GRIA1: variants seen among roughly 807,000 people sequenced by gnomAD.
GRIA1 encodes the protein glutamate ionotropic receptor AMPA type subunit 1, also known as glutamate receptor 1.
A neutral mutation model predicts 99.2 loss-of-function variants in GRIA1; 31 were observed. The ratio of observed to expected loss-of-function variants is 0.31; its 90% CI spans 0.23 to 0.42. GRIA1 has a LOEUF of 0.42. GRIA1 is among the 10% of genes least tolerant of loss of function. The pLI is 1.00. For synonymous variants in GRIA1, 438 were observed against 432.4 expected (o/e 1.01, Z -0.16); for missense variants, 782 against 1,157.5 (o/e 0.68, Z 4.71).
intron 10 of GRIA1, among the ~76,000 whole-genome samples, chr5:153,705,204 T>A (rs1758802829): frequency 1.3e-5 from 2 of 152,320 alleles, no homozygotes; most frequent in South Asian, 4.1e-4. Context: ...TCAGGACTAA[T>A]TCTCACTAAA....
At chr5:153,775,726 C>A (rs183633800) in intron 13 of GRIA1, among the ~76,000 whole-genome samples, 2 of 144,144 alleles carry the variant, frequency 1.4e-5, no homozygotes. Context: ...ATTATCCTAC[C>A]AATGCCATAA....
chr5:153,641,086 A>C (rs1314641529), intron 2 of GRIA1, among the ~76,000 whole-genome samples: 2 of 152,108 alleles, frequency 1.3e-5, no homozygotes, highest in African/African-American at 4.8e-5. Context: ...GAAGAATGTG[A>C]TTCCCACCAA....
At chr5:153,691,099 C>CA (rs767469529) in intron 8 of GRIA1, among the ~76,000 whole-genome samples, 2 of 152,200 alleles carry the variant, frequency 1.3e-5, no homozygotes, top group Non-Finnish European at 2.9e-5. Flanking sequence ...TACAATTTGA[C>CA]ATCCCACTGA....
chr5:153,539,933 C>T (rs1159423750), intron 2 of GRIA1, among the ~76,000 whole-genome samples: 5 of 152,206 alleles, frequency 3.3e-5, no homozygotes, highest in Non-Finnish European at 1.5e-5. Context: ...CTCATTTCTC[C>T]ATTTGAGCAG....
chr5:153,720,503 G>A (rs924979355), intron 11 of GRIA1, among the ~76,000 whole-genome samples: 1 of 152,210 alleles, frequency 6.6e-6, no homozygotes, highest in African/African-American at 2.4e-5. Flanking sequence ...CACGCCCAGA[G>A]TCTCCATGTT....
chr5:153,683,540 G>A (rs915528637), intron 7 of GRIA1, among the ~76,000 whole-genome samples: 8 of 152,182 alleles, frequency 5.3e-5, no homozygotes, highest in Admixed American at 1.3e-4. Context: ...TGAGATCACC[G>A]TGACAGTGCA....
At chr5:153,661,315 G>T (rs959917988) in intron 5 of GRIA1, among the ~76,000 whole-genome samples, 1 of 152,114 alleles carries the variant, frequency 6.6e-6, no homozygotes, top group African/African-American at 2.4e-5. Context: ...ATACTTATTA[G>T]CTATGTAACA....
rs1758313217 is a variant in GRIA1, at chr5:153,698,941, A to G, written c.1320A>G (p.Val440=). The change falls in exon 10 of 16, where the codon GTA becomes GTG. Residue 440 remains valine, a synonymous_variant. Transcript: ENST00000285900. ...ATGACCGTTACGAGGGCTACTGTGT[A>G]GAGCTGGCGGCAGAGATTGCCAAGC... ...EGNDRYEGYC[V]ELAAEIAKHV... is the part of the protein sequence containing the mutation. 6.2e-7 allele frequency: 1 copy of G among 1,613,724 alleles called. No individual in the cohort carries two copies. Among genetic ancestry groups the G allele is most frequent in the East Asian group, 2.2e-5 (1 of 44,864 alleles).
At chr5:153,656,076 C>T (rs895378623) in intron 5 of GRIA1, among the ~76,000 whole-genome samples, 6 of 152,102 alleles carry the variant, frequency 3.9e-5, no homozygotes, top group African/African-American at 1.4e-4. Flanking sequence ...AACCTCTAAC[C>T]TTCCTTGGAA....
At chr5:153,800,106 A>G (rs1055345388) in intron 14 of GRIA1, among the ~76,000 whole-genome samples, 4 of 152,200 alleles carry the variant, frequency 2.6e-5, no homozygotes, top group East Asian at 1.9e-4. Flanking sequence ...TGCTTTGGCT[A>G]TTGAAAGACT....
intron 2 of GRIA1, among the ~76,000 whole-genome samples, chr5:153,581,756 T>C (rs912164524): frequency 0.1 from 19 of 184 alleles, no homozygotes; most frequent in African/African-American, 0.15. Flanking sequence ...TCTTTTCTCT[T>C]TTTTTTTTTT....
At chr5:153,806,037 T>G (rs963571810) in intron 15 of GRIA1, among the ~76,000 whole-genome samples, 1 of 152,218 alleles carries the variant, frequency 6.6e-6, no homozygotes, top group African/African-American at 2.4e-5. Context: ...CCGAAAGAGA[T>G]AAGACAAATG....
intron 11 of GRIA1, among the ~76,000 whole-genome samples, chr5:153,712,464 AC>A (rs1451347563): frequency 6.6e-6 from 1 of 152,134 alleles, no homozygotes; most frequent in Non-Finnish European, 1.5e-5. Flanking sequence ...TTTCATAGTA[AC>A]CAGTATGCCT....
At chr5:153,613,331 C>T (rs28695255) in intron 2 of GRIA1, among the ~76,000 whole-genome samples, 5,630 of 152,194 alleles carry the variant, frequency 0.037, 138 homozygotes, top group Non-Finnish European at 0.056. Flanking sequence ...ATGATTGATG[C>T]AGCATTTTTT....
At chr5:153,579,357 C>A (rs895732754) in intron 2 of GRIA1, among the ~76,000 whole-genome samples, 3 of 152,102 alleles carry the variant, frequency 2.0e-5, no homozygotes, top group African/African-American at 7.2e-5. Flanking sequence ...GGCTAGGAAA[C>A]AACAAGCAGA....
At chr5:153,519,060 C>T (rs1326959148) in intron 2 of GRIA1, among the ~76,000 whole-genome samples, 3 of 152,054 alleles carry the variant, frequency 2.0e-5, no homozygotes, top group African/African-American at 4.8e-5. Context: ...GTCAGGAGAT[C>T]GAGACCATCC....
At chr5:153,591,077 C>T (rs1241022575) in intron 2 of GRIA1, among the ~76,000 whole-genome samples, 1 of 152,148 alleles carries the variant, frequency 6.6e-6, no homozygotes, top group Admixed American at 6.5e-5. Flanking sequence ...AACAGAGATA[C>T]ACAATTTTAA....
chr5:153,580,244 T>C (rs7730509), intron 2 of GRIA1, among the ~76,000 whole-genome samples: 26 of 152,348 alleles, frequency 1.7e-4, no homozygotes, highest in African/African-American at 6.3e-4. Flanking sequence ...GATAATTTTT[T>C]CTTTGCAATG....
chr5:153,530,390 C>T (rs1175811682), intron 2 of GRIA1, among the ~76,000 whole-genome samples: 1 of 152,214 alleles, frequency 6.6e-6, no homozygotes, highest in African/African-American at 2.4e-5. Flanking sequence ...AAGCTTTAAG[C>T]GGATCACCAA....
Sources: allele counts gnomAD v4.1 joint callset (sites outside exome capture counted in the v4.1 genomes callset), GRCh38; gene constraint gnomAD v4.1.1; transcripts MANE v1.5; gene names NCBI Gene and HGNC (gene_info 2026-07-23, HGNC 2026-07-21).